Variants in TAFA1 observed in about 807,000 individuals in gnomAD.
The protein encoded by TAFA1 is chemokine-like protein TAFA-1.
Under a neutral mutation model 18.5 loss-of-function variants are expected in TAFA1, and 4 were observed. That is an observed-to-expected ratio of 0.22 (90% confidence interval 0.11 to 0.49). TAFA1 has a LOEUF of 0.49. Among genes scored for constraint, TAFA1 ranks in the 20% least tolerant of loss-of-function variants. The pLI is 0.98. For missense variants in TAFA1, 147 were observed against 169.0 expected (o/e 0.87, Z 0.72); for synonymous variants, 56 against 55.2 (o/e 1.01, Z -0.06).
intron 3 of TAFA1, among the ~76,000 whole-genome samples, chr3:68,437,821 T>C (rs2071290521): frequency 6.6e-6 from 1 of 152,114 alleles, no homozygotes; most frequent in Non-Finnish European, 1.5e-5. Context: ...CCGAAACTCA[T>C]ATCCTTCTCG....
chr3:68,248,898 C>T (rs1388905156), intron 2 of TAFA1, among the ~76,000 whole-genome samples: 3 of 151,768 alleles, frequency 2.0e-5, no homozygotes, highest in Admixed American at 1.3e-4. Flanking sequence ...TGTAGGAAGG[C>T]GAATATGTTG....
intron 2 of TAFA1, among the ~76,000 whole-genome samples, chr3:68,241,276 T>C (rs972305011): frequency 2.0e-5 from 3 of 152,292 alleles, no homozygotes; most frequent in South Asian, 2.1e-4. Flanking sequence ...TCTGTCTCTA[T>C]TGCAGATTTA....
chr3:68,279,634 A>C (rs962608879), intron 2 of TAFA1, among the ~76,000 whole-genome samples: 7 of 152,152 alleles, frequency 4.6e-5, no homozygotes, highest in African/African-American at 9.7e-5. Flanking sequence ...CTGAAACTTA[A>C]ATTAAAAACA....
At chr3:68,254,720 C>A (rs1017452894) in intron 2 of TAFA1, among the ~76,000 whole-genome samples, 1 of 152,092 alleles carries the variant, frequency 6.6e-6, no homozygotes, top group African/African-American at 2.4e-5. Context: ...AGACCTACCA[C>A]AATTAAGTCC....
chr3:68,065,618 G>A (rs573824035), intron 2 of TAFA1, among the ~76,000 whole-genome samples: 6 of 152,076 alleles, frequency 3.9e-5, no homozygotes, highest in African/African-American at 1.4e-4. Flanking sequence ...GTGCTGGAGA[G>A]TACAAATTGT....
the TAFA1 span, among the ~76,000 whole-genome samples, chr3:67,997,892 T>G: frequency 6.6e-6 from 1 of 152,160 alleles, no homozygotes; most frequent in Non-Finnish European, 1.5e-5. Flanking sequence ...AAGTTGAATA[T>G]TTCAAGAAAC....
chr3:68,174,468 G>A lies in TAFA1; in HGVS notation c.118+167724G>A, dbSNP rs890214923. Among the ~76,000 whole-genome samples the A allele has an allele frequency of 2.0e-5, 3 of 152,160 alleles. 1 individual carries two copies. Among genetic ancestry groups the A allele is most frequent in the African/African-American group, 7.2e-5 (3 of 41,434 alleles). On this transcript the variant is annotated intron_variant, in intron 2 of 4. Transcript: ENST00000478136. ...TAGTGACATGAACAATAAGGTCCAG[G>A]CTGAGGTGGTCTCCGGTGGAGATGA...
intron 3 of TAFA1, among the ~76,000 whole-genome samples, chr3:68,535,529 G>A (rs2073264213): frequency 6.6e-6 from 1 of 152,046 alleles, no homozygotes. Flanking sequence ...ACCTATGCTT[G>A]CTGGCCATAT....
chr3:68,236,560 C>T (rs549046464), intron 2 of TAFA1, among the ~76,000 whole-genome samples: 28 of 152,258 alleles, frequency 1.8e-4, no homozygotes, highest in Middle Eastern at 3.4e-3. Context: ...GACAGACGTT[C>T]GCTAACCAAC....
At chr3:68,168,460 G>A (rs1449245026) in intron 2 of TAFA1, among the ~76,000 whole-genome samples, 1 of 152,178 alleles carries the variant, frequency 6.6e-6, no homozygotes, top group Non-Finnish European at 1.5e-5. Context: ...ATAGTTGATA[G>A]TGATATAACT....
chr3:68,092,537 G>A (rs2065041682), intron 2 of TAFA1, among the ~76,000 whole-genome samples: 1 of 152,122 alleles, frequency 6.6e-6, no homozygotes, highest in Non-Finnish European at 1.5e-5. Context: ...AAGAGTTTTA[G>A]ACCAGTGATA....
chr3:68,540,252 G>C (rs144360395), intron 4 of TAFA1, among the ~76,000 whole-genome samples: 1 of 151,402 alleles, frequency 6.6e-6, no homozygotes, highest in Non-Finnish European at 1.5e-5. Flanking sequence ...ATACATTTCC[G>C]GCTTGCGACC....
At chr3:68,508,657 T>C (rs958075003) in intron 3 of TAFA1, among the ~76,000 whole-genome samples, 1 of 152,086 alleles carries the variant, frequency 6.6e-6, no homozygotes, top group African/African-American at 2.4e-5. Context: ...ATCTTCATCC[T>C]TGAGAAACTT....
At chr3:68,076,377 T>C (rs1407198719) in intron 2 of TAFA1, among the ~76,000 whole-genome samples, 1 of 151,748 alleles carries the variant, frequency 6.6e-6, no homozygotes, top group African/African-American at 2.4e-5. Context: ...TACATATGTA[T>C]ACATGTGCCA....
intron 2 of TAFA1, among the ~76,000 whole-genome samples, chr3:68,343,166 T>G (rs921391873): frequency 1.3e-5 from 2 of 152,150 alleles, no homozygotes; most frequent in African/African-American, 2.4e-5. Flanking sequence ...TAATTGTCTT[T>G]TCTAAATTGC....
At chr3:68,332,324 A>G (rs573265152) in intron 2 of TAFA1, among the ~76,000 whole-genome samples, 10 of 152,300 alleles carry the variant, frequency 6.6e-5, no homozygotes, top group African/African-American at 2.4e-4. Context: ...AGGAGAAAAT[A>G]TAGTAGAAAA....
chr3:68,070,731 A>T (rs1010995200), intron 2 of TAFA1, among the ~76,000 whole-genome samples: 1 of 152,170 alleles, frequency 6.6e-6, no homozygotes, highest in Admixed American at 6.5e-5. Context: ...GCTGCTTAGA[A>T]ATTTCTTCCT....
intron 2 of TAFA1, among the ~76,000 whole-genome samples, chr3:68,034,852 T>C (rs929984430): frequency 2.0e-5 from 3 of 152,118 alleles, no homozygotes; most frequent in African/African-American, 7.2e-5. Context: ...AAAGGGGAAA[T>C]TTTAAAATTT....
chr3:68,409,989 A>T (rs9822557), intron 2 of TAFA1, among the ~76,000 whole-genome samples: 1 of 151,894 alleles, frequency 6.6e-6, no homozygotes, highest in East Asian at 1.9e-4. Context: ...TATCTTCCTT[A>T]TTTCCTCACT....
Sources: allele counts gnomAD v4.1 joint callset (sites outside exome capture counted in the v4.1 genomes callset), GRCh38; gene constraint gnomAD v4.1.1; transcripts MANE v1.5; gene names NCBI Gene and HGNC (gene_info 2026-07-23, HGNC 2026-07-21).